Variants in NCKAP5L observed in about 807,000 individuals in gnomAD.
The protein encoded by NCKAP5L is NCK associated protein 5 like.
In NCKAP5L, 54 loss-of-function variants were observed where a neutral mutation model predicts 103.2. The ratio of observed to expected loss-of-function variants is 0.52; its 90% CI spans 0.42 to 0.66. NCKAP5L has a LOEUF of 0.66. Among genes scored for constraint, NCKAP5L ranks in the 30% least tolerant of loss-of-function variants. The probability of loss-of-function intolerance (pLI) is 0.00; values close to 1 mark genes in which losing one functional copy is unlikely to be tolerated. For synonymous variants in NCKAP5L, 762 were observed against 748.6 expected, an observed-to-expected ratio of 1.02 and a Z score of -0.29; for missense variants, 1,733 against 1,750.6, an observed-to-expected ratio of 0.99 and a Z score of 0.18.
intron 1 of NCKAP5L, among the ~76,000 whole-genome samples, chr12:49,816,768 G>C (rs1441669680): frequency 6.6e-6 from 1 of 150,424 alleles, no homozygotes; most frequent in African/African-American, 2.5e-5. Flanking sequence ...CTGTACTCCA[G>C]CCTGGGTGAC....
chr12:49,796,309 T>C lies in NCKAP5L; in HGVS notation c.1551A>G (p.Gln517=). ...GGGELSPEGA[Q]GLPTSPSPCY... is the part of the protein sequence containing the mutation. ...AGGGTGAAGGGCTGGTGGGCAGGCC[T>C]TGCGCCCCCTCTGGGGACAGCTCTC... is the stretch of plus-strand genomic sequence containing the variant. The change falls in exon 8 of 13, where the codon CAA becomes CAG. Residue 517 remains glutamine, a synonymous_variant. Transcript: ENST00000335999. 1 of 1,543,524 alleles carries C rather than the reference T, an allele frequency of 6.5e-7. No individual in the cohort carries two copies.
chr12:49,801,171 TAC>T (rs919384721), intron 6 of NCKAP5L, among the ~76,000 whole-genome samples: 1 of 152,156 alleles, frequency 6.6e-6, no homozygotes, highest in East Asian at 1.9e-4. Context: ...CCCTCCCCCA[TAC>T]ACACACACAG....
At chr12:49,809,170 T>C (rs1946213018) in intron 1 of NCKAP5L, among the ~76,000 whole-genome samples, 1 of 152,046 alleles carries the variant, frequency 6.6e-6, no homozygotes, top group African/African-American at 2.4e-5. Flanking sequence ...AGCTCTCCCT[T>C]CCCCCTTAAA....
intron 1 of NCKAP5L, among the ~76,000 whole-genome samples, chr12:49,819,890 G>A (rs1363582150): frequency 2.0e-5 from 3 of 152,200 alleles, no homozygotes; most frequent in Admixed American, 2.0e-4. Flanking sequence ...AAAAGGGAAG[G>A]GTGTCATTCC....
At chr12:49,819,469 T>C (rs1275591052) in intron 1 of NCKAP5L, among the ~76,000 whole-genome samples, 1 of 152,206 alleles carries the variant, frequency 6.6e-6, no homozygotes, top group Non-Finnish European at 1.5e-5. Context: ...AGATGCTATA[T>C]ACACATAATA....
At chr12:49,805,376 C>G (rs765684516) in intron 2 of NCKAP5L, 1 of 152,314 alleles carries the variant, frequency 6.6e-6, no homozygotes, top group Non-Finnish European at 1.5e-5. Context: ...CCCACCCCAC[C>G]AAACCATTGC....
At position 49,795,243 on chromosome 12, in the gene NCKAP5L, C is replaced by A. The variant is rs777712359; in HGVS notation, c.2617G>T (p.Gly873Cys). 7.1e-6 allele frequency: 11 copies of A among 1,551,174 alleles called. No individual in the cohort carries two copies. Among genetic ancestry groups the A allele is most frequent in the Non-Finnish European group, 9.6e-6 (11 of 1,149,756 alleles). ...LVPGPTDPSQ[G>C]PEGLAPHSAI... ...GAGTGTGGGGCCAGCCCCTCAGGGCCCTGACTTGGGTCAGTGGGGCCAGGT... is the reference window on the plus strand; with the variant it reads ...GAGTGTGGGGCCAGCCCCTCAGGGCACTGACTTGGGTCAGTGGGGCCAGGT... The change falls in exon 8 of 13, where the codon GGC becomes TGC. Residue 873 changes from glycine (G) to cysteine (C), a missense_variant. Gly to Cys is a radical substitution (Grantham distance 159). Transcript: ENST00000335999.
intron 1 of NCKAP5L, among the ~76,000 whole-genome samples, chr12:49,808,261 A>G (rs548229890): frequency 6.6e-6 from 1 of 152,334 alleles, no homozygotes; most frequent in South Asian, 2.1e-4. Flanking sequence ...GCCAGTGGTC[A>G]CAGTTCTTCT....
chr12:49,794,185 G>A (rs1376751758), intron 8 of NCKAP5L, among the ~76,000 whole-genome samples: 1 of 152,150 alleles, frequency 6.6e-6, no homozygotes, highest in Non-Finnish European at 1.5e-5. Context: ...CAGGTAGACT[G>A]GCAGACCCGG....
intron 1 of NCKAP5L, among the ~76,000 whole-genome samples, chr12:49,817,339 C>T (rs542830338): frequency 4.6e-5 from 7 of 151,966 alleles, no homozygotes; most frequent in South Asian, 2.1e-4. Flanking sequence ...CCCCAAATAG[C>T]CAAAGCAATA....
In NCKAP5L at chr12:49,795,231, G is replaced by C. The variant is rs918981084; in HGVS notation, c.2629C>G (p.Leu877Val). 4 of 1,557,040 alleles carry C rather than the reference G, an allele frequency of 2.6e-6. No individual in the cohort carries two copies. The highest frequency in any genetic ancestry group is 3.5e-6 in the Non-Finnish European group (4 of 1,152,444). ...TCCTCGATGGCTGAGTGTGGGGCCAGCCCCTCAGGGCCCTGACTTGGGTCA... is the reference window on the plus strand; with the variant it reads ...TCCTCGATGGCTGAGTGTGGGGCCACCCCCTCAGGGCCCTGACTTGGGTCA... Reference protein sequence around the residue: ...PTDPSQGPEGLAPHSAIEEKV... With the variant: ...PTDPSQGPEGVAPHSAIEEKV... The change falls in exon 8 of 13, where the codon CTG becomes GTG. Residue 877 changes from leucine to valine, a missense_variant. Transcript: ENST00000335999.
At chr12:49,820,107 A>G (rs980493606) in intron 1 of NCKAP5L, among the ~76,000 whole-genome samples, 5 of 152,204 alleles carry the variant, frequency 3.3e-5, no homozygotes, top group Non-Finnish European at 7.3e-5. Context: ...GCATAACCAG[A>G]GACACATGCT....
Position 49,796,812 on chromosome 12 carries a change from G to A in NCKAP5L, c.1048C>T (p.Leu350Phe), listed in dbSNP as rs768837967. 7.4e-6 allele frequency: 12 copies of A among 1,613,444 alleles called. No individual in the cohort carries two copies. In the East Asian group the frequency reaches 2.7e-4, roughly 36 times the overall value. ...QAFLAGAAGP[L>F]NGDHPGPGQS... Reference sequence around the variant, plus strand: ...CCAGGACCTGGGTGGTCCCCATTGAGTGGGCCTGCAGCCCCGGCCAGGAAG... The same window carrying A: ...CCAGGACCTGGGTGGTCCCCATTGAATGGGCCTGCAGCCCCGGCCAGGAAG... The change falls in exon 8 of 13, where the codon CTC becomes TTC. Residue 350 changes from leucine to phenylalanine, a missense_variant. Leu to Phe is a conservative substitution (Grantham distance 22). Transcript: ENST00000335999.
chr12:49,796,239 C>T lies in NCKAP5L; in HGVS notation c.1621G>A (p.Ala541Thr), dbSNP rs1189208089. ...DSTQLRPPQSALSTTLSPGPV... is the reference protein window; with the variant it reads ...DSTQLRPPQSTLSTTLSPGPV... ...CCTGGGGACAGCGTGGTGGACAAGG[C>T]TGACTGCGGGGGTCTGAGCTGTGTG... is the stretch of plus-strand genomic sequence containing the variant. The change falls in exon 8 of 13, where the codon GCC becomes ACC. Residue 541 changes from alanine (A) to threonine (T), a missense_variant. Physicochemically the swap from Ala to Thr is moderately conservative, Grantham distance 58 (BLOSUM62 0). Coordinates refer to ENST00000335999, the MANE Select transcript of NCKAP5L (RefSeq NM_001037806.4). 1 of 1,576,932 alleles carries T rather than the reference C, an allele frequency of 6.3e-7. No homozygotes were observed. Among genetic ancestry groups the T allele is most frequent in the Non-Finnish European group, 8.6e-7 (1 of 1,162,182 alleles).
At chr12:49,826,793 G>C (rs1233810575) in intron 1 of NCKAP5L, among the ~76,000 whole-genome samples, 2 of 152,110 alleles carry the variant, frequency 1.3e-5, no homozygotes, top group African/African-American at 2.4e-5. Flanking sequence ...CAAACACTTA[G>C]GTCTTCACCG....
chr12:49,816,337 G>C (rs1282009606), intron 1 of NCKAP5L, among the ~76,000 whole-genome samples: 2 of 151,950 alleles, frequency 1.3e-5, no homozygotes, highest in Non-Finnish European at 2.9e-5. Context: ...AGAAAGAAGG[G>C]ACAGCTAAGA....
At position 49,795,119 on chromosome 12, in the gene NCKAP5L, G is replaced by A; in HGVS notation, c.2741C>T (p.Thr914Ile). ...APGAEVKHRN[T>I]SSIASWFGLK... ...GCCGAACCAGCTGGCGATGCTGCTG[G>A]TGTTGCGGTGCTTGACCTCGGCGCC... The change falls in exon 8 of 13, where the codon ACC becomes ATC. Residue 914 changes from threonine (T) to isoleucine (I), a missense_variant. Thr to Ile is a moderately conservative substitution (Grantham distance 89, BLOSUM62 -1). Transcript: ENST00000335999. 6.2e-7 allele frequency: 1 copy of A among 1,613,286 alleles called. No homozygotes were observed. Among genetic ancestry groups the A allele is most frequent in the Non-Finnish European group, 8.5e-7 (1 of 1,179,768 alleles).
chr12:49,825,399 G>A (rs185088028), intron 1 of NCKAP5L, among the ~76,000 whole-genome samples: 131 of 152,292 alleles, frequency 8.6e-4, no homozygotes, highest in Non-Finnish European at 1.1e-3. Flanking sequence ...GCTAGAAAGG[G>A]CACTTGTTTT....
rs1486862154 is a variant in NCKAP5L at position 49,804,076 on chromosome 12, G to T, written c.-32C>A. 6.2e-7 allele frequency: 1 copy of T among 1,604,236 alleles called. No individual in the cohort carries two copies. On this transcript the variant is annotated 5_prime_UTR_variant, in exon 3 of 13. Coordinates refer to ENST00000335999, the MANE Select transcript of NCKAP5L (RefSeq NM_001037806.4). ...CTGGGAACAAGGAAGAGAAGCCCCGGCAGGCTACTCCAGGGAATGAGGAGG... is the reference window on the plus strand; with the variant it reads ...CTGGGAACAAGGAAGAGAAGCCCCGTCAGGCTACTCCAGGGAATGAGGAGG...
Sources: gnomAD v4.1 joint callset for allele counts (sites outside exome capture counted in the v4.1 genomes callset) on GRCh38, gnomAD v4.1.1 for gene constraint, MANE v1.5 for transcripts, NCBI Gene and HGNC (gene_info 2026-07-23, HGNC 2026-07-21) for gene names.